The following ERAP1 variants were observed in gnomAD, a reference collection of about 807,000 sequenced individuals.
The protein encoded by ERAP1 is endoplasmic reticulum aminopeptidase 1.
Under a neutral mutation model 103.7 loss-of-function variants are expected in ERAP1, and 86 were observed. The ratio of observed to expected loss-of-function variants is 0.83; its 90% confidence interval spans 0.70 to 0.99. The LOEUF is 0.99. Among genes scored for constraint, ERAP1 ranks in the 50% least tolerant of loss-of-function variants. The pLI is 0.00. For missense variants in ERAP1, 1,009 were observed against 1,128.4 expected (o/e 0.89, Z 1.52); for synonymous variants, 398 against 402.4 (o/e 0.99, Z 0.13).
At chr5:96,778,960 C>A (rs1000317415) in intron 18 of ERAP1, among the ~76,000 whole-genome samples, 1 of 152,178 alleles carries the variant, frequency 6.6e-6, no homozygotes, top group Non-Finnish European at 1.5e-5. Context: ...CTTTACTTTT[C>A]ATGCCCTGCT....
chr5:96,861,891 T>C, the ERAP1 span, among the ~76,000 whole-genome samples: 3 of 152,196 alleles, frequency 2.0e-5, no homozygotes, highest in South Asian at 6.2e-4. Context: ...ATTTTGCCTA[T>C]TACTTTTTAA....
the ERAP1 span, among the ~76,000 whole-genome samples, chr5:96,931,521 T>C: frequency 6.6e-6 from 1 of 152,124 alleles, no homozygotes; most frequent in Non-Finnish European, 1.5e-5. Context: ...GAGGTAGTAG[T>C]GTAGGTTTTG....
intron 3 of ERAP1, 131 bp from the exon 4 acceptor site, chr5:96,797,440 A>C (rs1777468041): frequency 1.1e-6 from 1 of 946,752 alleles, no homozygotes; most frequent in Admixed American, 2.0e-5. Flanking sequence ...CGAGGTAGGC[A>C]GAATGCTTGA....
At chr5:96,896,995 A>G in the ERAP1 span, 168,647 of 481,846 alleles carry the variant, frequency 0.35, 37,180 homozygotes, top group African/African-American at 0.53. Context: ...GTCATGGTCT[A>G]TAGAAGGCAG....
intron 19 of ERAP1, among the ~76,000 whole-genome samples, chr5:96,763,711 A>C (rs1217729957): frequency 6.6e-6 from 1 of 152,210 alleles, no homozygotes; most frequent in Non-Finnish European, 1.5e-5. Flanking sequence ...AATTCACGGG[A>C]GCTTTCTTTG....
At chr5:96,897,263 G>T in the ERAP1 span, among the ~76,000 whole-genome samples, 1 of 152,150 alleles carries the variant, frequency 6.6e-6, no homozygotes, top group Non-Finnish European at 1.5e-5. Context: ...CTTATAAGAA[G>T]AAATCTTGCT....
chr5:96,774,533 T>A lies in ERAP1; in HGVS notation c.*1863A>T, dbSNP rs1773642687. On this transcript the variant is annotated 3_prime_UTR_variant, in exon 19 of 19. Transcript: ENST00000443439. ...TTATCAAAAAGGTTTCTGCACATTG[T>A]TGTGGCAATATTGTATCTGTTTAGA... 1.0e-6 allele frequency: 1 copy of A among 986,082 alleles called. No individual in the cohort carries two copies. The allele number at this position is 986,082 out of a possible 1,614,324, so 61.1% of individuals were successfully genotyped here.
the ERAP1 span, among the ~76,000 whole-genome samples, chr5:96,898,014 C>T: frequency 8.5e-5 from 13 of 152,190 alleles, no homozygotes; most frequent in Admixed American, 2.0e-4. Flanking sequence ...CTGGCCAATT[C>T]GTGGAACCCC....
chr5:96,811,632 C>T (rs1779162610), upstream of ERAP1, among the ~76,000 whole-genome samples: 1 of 152,182 alleles, frequency 6.6e-6, no homozygotes, highest in Non-Finnish European at 1.5e-5. Flanking sequence ...CAGTTGGAGT[C>T]AGTCTTCAGA....
the ERAP1 span, among the ~76,000 whole-genome samples, chr5:96,825,626 A>G: frequency 6.6e-6 from 1 of 152,234 alleles, no homozygotes; most frequent in African/African-American, 2.4e-5. Context: ...CAGGCAGGGA[A>G]AAATGAATAC....
chr5:96,873,193 A>C, the ERAP1 span: 2 of 380,010 alleles, frequency 5.3e-6, no homozygotes, highest in African/African-American at 4.2e-5. Flanking sequence ...TGTCAAAAAA[A>C]AAAAATCATG....
the ERAP1 span, among the ~76,000 whole-genome samples, chr5:96,897,904 G>A: frequency 0.54 from 82,336 of 152,048 alleles, 22,363 homozygotes; most frequent in Admixed American, 0.59. Flanking sequence ...ACAGTTTAAA[G>A]ACACTTTCAT....
At chr5:96,850,133 C>T in the ERAP1 span, among the ~76,000 whole-genome samples, 9 of 152,156 alleles carry the variant, frequency 5.9e-5, no homozygotes, top group Non-Finnish European at 1.3e-4. Flanking sequence ...AGACCTGATA[C>T]TGTAAAACTG....
chr5:96,874,590 C>T, the ERAP1 span, among the ~76,000 whole-genome samples: 1 of 152,246 alleles, frequency 6.6e-6, no homozygotes, highest in African/African-American at 2.4e-5. Flanking sequence ...TGTGGTGCCC[C>T]TCTCACTACA....
intron 2 of ERAP1, 118 bp from the exon 3 acceptor site, chr5:96,801,118 A>T: frequency 8.7e-7 from 1 of 1,152,036 alleles, no homozygotes; most frequent in Non-Finnish European, 1.3e-6. Flanking sequence ...CTACTAAAAA[A>T]TATTTCATCT....
the ERAP1 span, among the ~76,000 whole-genome samples, chr5:96,824,354 A>T: frequency 1.3e-5 from 2 of 152,148 alleles, no homozygotes; most frequent in Non-Finnish European, 2.9e-5. Flanking sequence ...GTGATGTCTA[A>T]TCCAGCATTC....
intron 18 of ERAP1, among the ~76,000 whole-genome samples, chr5:96,777,852 C>T (rs1174723455): frequency 6.6e-6 from 1 of 152,224 alleles, no homozygotes; most frequent in South Asian, 2.1e-4. Context: ...TCTCTTCTGT[C>T]TTCACCTGCC....
the ERAP1 span, chr5:96,901,465 T>C: frequency 6.3e-7 from 1 of 1,596,702 alleles, no homozygotes; most frequent in South Asian, 1.1e-5. Context: ...CTTTGGATTG[T>C]CTCCTCTCTC....
chr5:96,764,319 G>A (rs775309742), intron 19 of ERAP1, among the ~76,000 whole-genome samples: 3 of 151,964 alleles, frequency 2.0e-5, no homozygotes, highest in Non-Finnish European at 4.4e-5. Flanking sequence ...CACATTTCAC[G>A]GCCAAGGAAA....
Sources: allele counts gnomAD v4.1 joint callset (sites outside exome capture counted in the v4.1 genomes callset), GRCh38; gene constraint gnomAD v4.1.1; transcripts MANE v1.5; gene names NCBI Gene and HGNC (gene_info 2026-07-23, HGNC 2026-07-21).